NECTIN3: variants seen among roughly 807,000 people sequenced by gnomAD.
NECTIN3 encodes the protein nectin-3.
A neutral mutation model predicts 49.4 loss-of-function variants in NECTIN3; 8 were observed. The observed-to-expected ratio is 0.16, with a 90% CI of 0.10 to 0.29. The LOEUF (loss-of-function observed/expected upper bound fraction) is 0.29. Ranked by LOEUF, NECTIN3 falls within the 10% of genes least tolerant of loss-of-function variation. The pLI is 1.00. For missense variants in NECTIN3, 581 were observed against 654.6 expected, an observed-to-expected ratio of 0.89 and a Z score of 1.23; for synonymous variants, 277 against 241.1, an observed-to-expected ratio of 1.15 and a Z score of -1.38.
chr3:111,152,718 G>A (rs2035024725), intron 7 of NECTIN3, among the ~76,000 whole-genome samples: 1 of 151,878 alleles, frequency 6.6e-6, no homozygotes, highest in African/African-American at 2.4e-5. Context: ...TATGTTATAA[G>A]AAGATTTAGA....
chr3:111,139,532 G>A (rs1171026737), downstream of NECTIN3, among the ~76,000 whole-genome samples: 1 of 151,694 alleles, frequency 6.6e-6, no homozygotes, highest in Non-Finnish European at 1.5e-5. Flanking sequence ...CATAAGTGGT[G>A]CTATGTCTTT....
chr3:111,149,622 A>G (rs916292382), intron 7 of NECTIN3, among the ~76,000 whole-genome samples: 4 of 152,012 alleles, frequency 2.6e-5, no homozygotes, highest in Non-Finnish European at 5.9e-5. Flanking sequence ...TAAATTGGCT[A>G]TTAGCATATA....
Position 111,134,247 on chromosome 3 carries a change from T to C in NECTIN3, c.*32T>C. Reference sequence around the variant, plus strand: ...CTGAATGTGACTTAACTATGTACAATGTTCATTCACACTAGTTGATCATTT... The same window carrying C: ...CTGAATGTGACTTAACTATGTACAACGTTCATTCACACTAGTTGATCATTT... On this transcript the variant is annotated 3_prime_UTR_variant, in exon 6 of 6. Coordinates refer to ENST00000485303, the MANE Select transcript of NECTIN3 (RefSeq NM_015480.3). 6.5e-7 allele frequency: 1 copy of C among 1,536,886 alleles called. No individual in the cohort carries two copies. The highest frequency in any genetic ancestry group is 8.7e-7 in the Non-Finnish European group (1 of 1,146,944).
intron 4 of NECTIN3, among the ~76,000 whole-genome samples, chr3:111,125,082 G>A (rs1338169870): frequency 7.6e-6 from 1 of 131,214 alleles, no homozygotes; most frequent in Non-Finnish European, 1.5e-5. Context: ...AGGCTAGAGT[G>A]CAGTAGTGCC....
rs992248227 is a variant in NECTIN3, at chr3:111,181,797, T to C, written c.1222-10554T>C. On this transcript the variant is annotated intron_variant, in intron 7 of 8. Coordinates refer to the NECTIN3 transcript ENST00000493615. ...TCTTGCTAGGGGTTTTCCCATTTTA[T>C]TAATATTTTCAAAGAAACAGATTTT... 2.6e-5 allele frequency among the ~76,000 whole-genome samples: 4 copies of C among 152,068 alleles called. No homozygotes were observed. In the East Asian group the frequency reaches 7.7e-4, roughly 29 times the overall value.
intron 7 of NECTIN3, among the ~76,000 whole-genome samples, chr3:111,183,512 C>T (rs993874205): frequency 3.3e-5 from 5 of 152,078 alleles, no homozygotes; most frequent in Admixed American, 2.6e-4. Flanking sequence ...CAGGGTTTTA[C>T]CATGTTGGCC....
downstream of NECTIN3, among the ~76,000 whole-genome samples, chr3:111,139,267 G>T (rs1006728507): frequency 2.0e-5 from 3 of 151,612 alleles, no homozygotes; most frequent in African/African-American, 7.3e-5. Context: ...TATGTATTTT[G>T]CAGTTTTAAT....
intron 1 of NECTIN3, among the ~76,000 whole-genome samples, chr3:111,102,245 A>G (rs2032945942): frequency 6.6e-6 from 1 of 152,152 alleles, no homozygotes; most frequent in Non-Finnish European, 1.5e-5. Context: ...CATTTTATAA[A>G]CGTTAAGACT....
chr3:111,149,679 C>A (rs1365883538), intron 7 of NECTIN3, among the ~76,000 whole-genome samples: 1 of 151,682 alleles, frequency 6.6e-6, no homozygotes, highest in Non-Finnish European at 1.5e-5. Context: ...CCTCTTTTAT[C>A]AAATTTTTTA....
upstream of NECTIN3, among the ~76,000 whole-genome samples, chr3:111,191,621 G>T (rs527387342): frequency 6.6e-6 from 1 of 152,086 alleles, no homozygotes; most frequent in African/African-American, 2.4e-5. Context: ...AAGGATGGAA[G>T]ATTAGCAAGC....
chr3:111,167,602 A>T (rs1158067508), intron 7 of NECTIN3, among the ~76,000 whole-genome samples: 1 of 152,188 alleles, frequency 6.6e-6, no homozygotes, highest in African/African-American at 2.4e-5. Context: ...GAGTAGGTTG[A>T]TGAAGATGGT....
chr3:111,110,164 C>G (rs1488571213), intron 1 of NECTIN3, among the ~76,000 whole-genome samples: 2 of 151,268 alleles, frequency 1.3e-5, no homozygotes, highest in Non-Finnish European at 3.0e-5. Flanking sequence ...ATTTCTTTTC[C>G]TTCCTAATAT....
At chr3:111,146,460 T>A (rs1301685890) in intron 6 of NECTIN3, among the ~76,000 whole-genome samples, 3 of 150,856 alleles carry the variant, frequency 2.0e-5, no homozygotes, top group Admixed American at 6.6e-5. Flanking sequence ...AAAGAGTGAC[T>A]AGCATGTGGT....
At chr3:111,178,676 G>A (rs2035575136) in intron 7 of NECTIN3, among the ~76,000 whole-genome samples, 1 of 152,168 alleles carries the variant, frequency 6.6e-6, no homozygotes, top group Non-Finnish European at 1.5e-5. Context: ...GAGCATCACT[G>A]GTCTTTCTCC....
intron 4 of NECTIN3, among the ~76,000 whole-genome samples, chr3:111,123,059 T>C (rs2034020222): frequency 6.6e-6 from 1 of 152,014 alleles, no homozygotes; most frequent in Non-Finnish European, 1.5e-5. Context: ...CTTAATGATA[T>C]AAATTTTTTT....
chr3:111,077,131 A>T, intron 1 of NECTIN3: 1 of 382,004 alleles, frequency 2.6e-6, no homozygotes. Context: ...TATTATAGTT[A>T]TTTTAGAAAG....
intron 7 of NECTIN3, among the ~76,000 whole-genome samples, chr3:111,151,291 C>A (rs1455991327): frequency 6.6e-6 from 1 of 151,716 alleles, no homozygotes; most frequent in African/African-American, 2.4e-5. Context: ...AGGAATCAAG[C>A]CCTTTTTTAT....
intron 1 of NECTIN3, among the ~76,000 whole-genome samples, chr3:111,110,632 C>T (rs1003230062): frequency 2.6e-5 from 4 of 151,992 alleles, no homozygotes; most frequent in African/African-American, 7.2e-5. Context: ...TTTCACATTT[C>T]ATATATCTTG....
At chr3:111,105,674 G>T in intron 1 of NECTIN3, among the ~76,000 whole-genome samples, 1 of 152,018 alleles carries the variant, frequency 6.6e-6, no homozygotes, top group East Asian at 1.9e-4. Flanking sequence ...TTCTGATTTG[G>T]AATTTATTTC....
Sources: allele counts gnomAD v4.1 joint callset (sites outside exome capture counted in the v4.1 genomes callset), GRCh38; gene constraint gnomAD v4.1.1; transcripts MANE v1.5; gene names NCBI Gene and HGNC (gene_info 2026-07-23, HGNC 2026-07-21).